SYNGR1: variants seen among roughly 807,000 people sequenced by gnomAD.
The protein encoded by SYNGR1 is synaptogyrin-1.
Under a neutral mutation model 26.1 loss-of-function variants are expected in SYNGR1, and 14 were observed. The ratio of observed to expected loss-of-function variants is 0.54; its 90% CI spans 0.35 to 0.84. The LOEUF (loss-of-function observed/expected upper bound fraction) is 0.84. Ranked by LOEUF, SYNGR1 falls within the 40% of genes least tolerant of loss-of-function variation. SYNGR1 has a pLI of 0.01. For synonymous variants in SYNGR1, 141 were observed against 150.1 expected, an observed-to-expected ratio of 0.94 and a Z score of 0.44; for missense variants, 319 against 332.9, an observed-to-expected ratio of 0.96 and a Z score of 0.33.
intron 1 of SYNGR1, among the ~76,000 whole-genome samples, chr22:39,370,878 C>T (rs964078315): frequency 2.6e-5 from 4 of 152,216 alleles, no homozygotes; most frequent in Admixed American, 2.6e-4. Flanking sequence ...ATCTTGGTCT[C>T]CCAAAGTGCT....
intron 1 of SYNGR1, among the ~76,000 whole-genome samples, chr22:39,359,198 A>C: frequency 6.6e-6 from 1 of 151,548 alleles, no homozygotes; most frequent in South Asian, 2.1e-4. Flanking sequence ...GTAGAGGTCG[A>C]CAGGGTCCTT....
chr22:39,377,808 G>A, intron 3 of SYNGR1: 1 of 1,533,218 alleles, frequency 6.5e-7, no homozygotes, highest in Non-Finnish European at 8.7e-7. Flanking sequence ...TGGAAGGCTG[G>A]CTTGAGGAAC....
chr22:39,382,567 C>T lies in SYNGR1; in HGVS notation c.*653C>T, dbSNP rs1292720408. ...GCTGCCCGACTGCAGACCACGTGCT[C>T]TTCCCTGGCCACCCACCTCCTACCA... On this transcript the variant is annotated 3_prime_UTR_variant, in exon 4 of 4. Coordinates refer to ENST00000328933, the MANE Select transcript of SYNGR1 (RefSeq NM_004711.5). The T allele has an allele frequency of 2.6e-5, 4 of 156,110 alleles. No homozygotes were observed. Among genetic ancestry groups the T allele is most frequent in the African/African-American group, 9.6e-5 (4 of 41,486 alleles). 9.7% of individuals were successfully genotyped at this position (156,110 alleles called of 1,614,324 possible).
chr22:39,381,910 A>G lies in SYNGR1; in HGVS notation c.698A>G (p.Tyr233Cys). Residue 233 changes from tyrosine to cysteine, a missense_variant, in exon 4 of 4, where the codon TAC becomes TGC. Transcript: ENST00000328933. Reference sequence around the variant, plus strand: ...CCCCAGGGCTACCAGTCGCAGGGCTACTGAGCCACAGTGACCGCCTGCCCC... The same window carrying G: ...CCCCAGGGCTACCAGTCGCAGGGCTGCTGAGCCACAGTGACCGCCTGCCCC... Reference protein sequence around the residue: ...TEPQGYQSQGY With the variant: ...TEPQGYQSQGC 1 of 1,609,096 alleles carries G rather than the reference A, an allele frequency of 6.2e-7. No homozygotes were observed. Among genetic ancestry groups the G allele is most frequent in the Non-Finnish European group, 8.5e-7 (1 of 1,178,290 alleles).
chr22:39,380,415 T>G (rs979892839), intron 3 of SYNGR1, among the ~76,000 whole-genome samples: 1 of 151,926 alleles, frequency 6.6e-6, no homozygotes, highest in Admixed American at 6.6e-5. Flanking sequence ...ATCTTTCCTT[T>G]TTTTTAGAGA....
intron 1 of SYNGR1, among the ~76,000 whole-genome samples, chr22:39,357,840 G>GCAGGGCTCGGGA (rs992962850): frequency 3.9e-5 from 6 of 152,246 alleles, no homozygotes; most frequent in Non-Finnish European, 5.9e-5. Context: ...TTCCCTCGGG[G>GCAGGGCTCGGGA]CAGGGCTCGG....
chr22:39,368,491 G>C (rs1924873290), intron 1 of SYNGR1, among the ~76,000 whole-genome samples: 1 of 152,244 alleles, frequency 6.6e-6, no homozygotes, highest in Non-Finnish European at 1.5e-5. Context: ...ATGAATGCCT[G>C]ACCGAGGCGG....
At chr22:39,353,636 T>A (rs934772618) in intron 1 of SYNGR1, among the ~76,000 whole-genome samples, 1 of 152,186 alleles carries the variant, frequency 6.6e-6, no homozygotes, top group Non-Finnish European at 1.5e-5. Context: ...CCACCCGAAC[T>A]GGGCTGGGCT....
chr22:39,369,435 C>G (rs1375243085), intron 1 of SYNGR1, among the ~76,000 whole-genome samples: 2 of 152,178 alleles, frequency 1.3e-5, no homozygotes, highest in Non-Finnish European at 2.9e-5. Context: ...GAGACTGAAT[C>G]GAGTCGCCTG....
At position 39,376,078 on chromosome 22, in the gene SYNGR1, G is replaced by A. The variant is rs1408273701; in HGVS notation, c.364G>A (p.Gly122Arg). ...SAFWAFLWFVGFCYLANQWQV... is the reference protein window; with the variant it reads ...SAFWAFLWFVRFCYLANQWQV... The stretch of plus-strand genomic sequence containing the variant: ...CTTCTGGGCTTTCCTCTGGTTCGTG[G>A]GATTCTGCTACCTGGCCAACCAGTG... The change falls in exon 3 of 4, where the codon GGA becomes AGA. Residue 122 changes from glycine to arginine, a missense_variant. Coordinates refer to ENST00000328933, the MANE Select transcript of SYNGR1 (RefSeq NM_004711.5). 1.2e-6 allele frequency: 2 copies of A among 1,614,174 alleles called. No homozygotes were observed. The highest frequency in any genetic ancestry group is 1.7e-6 in the Non-Finnish European group (2 of 1,180,040).
chr22:39,376,140 A>T lies in SYNGR1; in HGVS notation c.426A>T (p.Glu142Asp). 6.2e-7 allele frequency: 1 copy of T among 1,614,164 alleles called. No individual in the cohort carries two copies. The highest frequency in any genetic ancestry group is 8.5e-7 in the Non-Finnish European group (1 of 1,180,026). Residue 142 changes from glutamate to aspartate, a missense_variant, in exon 3 of 4, where the codon GAA (glutamate) becomes GAT (aspartate). Glu to Asp is a conservative substitution (Grantham distance 45, BLOSUM62 2). Coordinates refer to ENST00000328933, the MANE Select transcript of SYNGR1 (RefSeq NM_004711.5). ...VSKPKDNPLN[E>D]GTDAARAAIA... ...AGCCCAAGGACAACCCACTGAACGA[A>T]GGGACGGACGCAGCCCGGGCCGCCA...
At chr22:39,363,964 G>A (rs1924611466) in intron 1 of SYNGR1, among the ~76,000 whole-genome samples, 1 of 152,136 alleles carries the variant, frequency 6.6e-6, no homozygotes, top group Non-Finnish European at 1.5e-5. Flanking sequence ...TTTAAAACGA[G>A]GCCTCTAGGA....
At chr22:39,369,218 A>G (rs1924907439) in intron 1 of SYNGR1, among the ~76,000 whole-genome samples, 1 of 152,200 alleles carries the variant, frequency 6.6e-6, no homozygotes, top group Admixed American at 6.5e-5. Context: ...GACTTGTTGC[A>G]GTACACCAGT....
intron 2 of SYNGR1, 77 bp from the exon 3 acceptor site, chr22:39,375,975 C>T: frequency 6.3e-7 from 1 of 1,591,690 alleles, no homozygotes; most frequent in Non-Finnish European, 8.6e-7. Context: ...TGTTCCTCGG[C>T]TTCCCCATTT....
intron 1 of SYNGR1, among the ~76,000 whole-genome samples, chr22:39,367,255 ACGGCT>A (rs1429951692): frequency 4.6e-5 from 7 of 152,222 alleles, no homozygotes; most frequent in Admixed American, 6.5e-5. Context: ...GAGTGAACGA[ACGGCT>A]GATGTCAAGC....
rs1020145076 is a variant in SYNGR1 at position 39,364,925 on chromosome 22, TAAA to T, written c.100-9387_100-9385del. On this transcript the variant is annotated intron_variant, in intron 1 of 3. Coordinates refer to ENST00000328933, the MANE Select transcript of SYNGR1 (RefSeq NM_004711.5). ...CCAAGCGCCATCTGGAATCCGTTTT[TAAA>T]AAAGACTCGGGATTGGATTTTAAAG... is the stretch of plus-strand genomic sequence containing the variant. Among the ~76,000 whole-genome samples the T allele has an allele frequency of 2.6e-5, 4 of 152,194 alleles. No individual in the cohort carries two copies. The South Asian group carries it at 8.3e-4, about 32-fold the overall frequency.
chr22:39,365,446 G>A (rs1924694360), intron 1 of SYNGR1, among the ~76,000 whole-genome samples: 1 of 152,314 alleles, frequency 6.6e-6, no homozygotes, highest in Admixed American at 6.5e-5. Flanking sequence ...TTGAGCTGGT[G>A]GAGTGAAGAG....
At chr22:39,366,892 C>A (rs1373422526) in intron 1 of SYNGR1, among the ~76,000 whole-genome samples, 1 of 152,208 alleles carries the variant, frequency 6.6e-6, no homozygotes, top group South Asian at 2.1e-4. Context: ...GCCCTCAAGG[C>A]CAACCCATCT....
intron 1 of SYNGR1, among the ~76,000 whole-genome samples, chr22:39,357,528 G>A (rs1365435859): frequency 6.6e-6 from 1 of 152,218 alleles, no homozygotes; most frequent in African/African-American, 2.4e-5. Context: ...CTTGCAGGGA[G>A]GTGTGGAGGG....
Sources: gnomAD v4.1 joint callset for allele counts (sites outside exome capture counted in the v4.1 genomes callset) on GRCh38, gnomAD v4.1.1 for gene constraint, MANE v1.5 for transcripts, NCBI Gene and HGNC (gene_info 2026-07-23, HGNC 2026-07-21) for gene names.